The following C4orf51 variants were observed in gnomAD, a reference collection of about 807,000 sequenced individuals.
The protein encoded by C4orf51 is uncharacterized protein C4orf51.
In C4orf51, 25 loss-of-function variants were observed where a neutral mutation model predicts 25.2. That is an observed-to-expected ratio of 0.99 (90% CI 0.72 to 1.39). The LOEUF is 1.39. C4orf51 is among the 40% of genes most tolerant of loss of function. The probability of loss-of-function intolerance (pLI) is 0.00; values close to 1 mark genes in which losing one functional copy is unlikely to be tolerated. For synonymous variants in C4orf51, 100 were observed against 84.5 expected (o/e 1.18, Z -1.01); for missense variants, 252 against 239.6 (o/e 1.05, Z -0.34).
chr4:145,727,252 C>G (rs1032851603), intron 3 of C4orf51, among the ~76,000 whole-genome samples: 2 of 152,044 alleles, frequency 1.3e-5, no homozygotes, highest in African/African-American at 4.8e-5. Context: ...ATATAATATA[C>G]TGGCAGTTAA....
At chr4:145,747,057 A>G (rs1388801205) in intron 1 of C4orf51, among the ~76,000 whole-genome samples, 1 of 152,032 alleles carries the variant, frequency 6.6e-6, no homozygotes, top group Non-Finnish European at 1.5e-5. Context: ...TTGATTTTGT[A>G]TTCTGCAGCT....
Position 145,761,509 on chromosome 4 carries a change from A to G in C4orf51, n.167-9479A>G, listed in dbSNP as rs1356724405. On this transcript the variant is annotated intron_variant and non_coding_transcript_variant, in intron 1 of 1. Coordinates refer to the C4orf51 transcript ENST00000510096. This position sits in a 1 kb window ranked among gnomAD's most constrained non-coding sequence, Gnocchi z 6.8. ...CTGGTTGGCCTTCACCGTCTGGCAGATCCGGCACTTGTACTCCATCTTGTA... is the reference window on the plus strand; with the variant it reads ...CTGGTTGGCCTTCACCGTCTGGCAGGTCCGGCACTTGTACTCCATCTTGTA... 3 of 1,289,754 alleles carry G rather than the reference A, an allele frequency of 2.3e-6. No individual in the cohort carries two copies. The Admixed American group carries it at 6.9e-5, about 30-fold the overall frequency. The allele number at this position is 1,289,754 out of a possible 1,614,324, so 79.9% of individuals were successfully genotyped here.
At chr4:145,730,538 T>A (rs1732400807) in intron 5 of C4orf51, among the ~76,000 whole-genome samples, 1 of 152,162 alleles carries the variant, frequency 6.6e-6, no homozygotes, top group Non-Finnish European at 1.5e-5. Flanking sequence ...TCTTAGAGAG[T>A]AAGTTGAAAG....
downstream of C4orf51, among the ~76,000 whole-genome samples, chr4:145,755,934 C>G (rs556456018): frequency 6.6e-6 from 1 of 152,150 alleles, no homozygotes; most frequent in Non-Finnish European, 1.5e-5. Flanking sequence ...GGGAAGGGTT[C>G]CAGTTCTATA....
At chr4:145,773,175 C>G (rs1259497014), downstream of C4orf51, among the ~76,000 whole-genome samples, 1 of 152,174 alleles carries the variant, frequency 6.6e-6, no homozygotes, top group African/African-American at 2.4e-5. Flanking sequence ...CTCCATTAGC[C>G]ACTCCAGAAA....
chr4:145,771,820 T>C (rs1736332635), downstream of C4orf51, among the ~76,000 whole-genome samples: 1 of 152,196 alleles, frequency 6.6e-6, no homozygotes, highest in Non-Finnish European at 1.5e-5. Context: ...GGTAACAAGA[T>C]AGCGTGGCAG....
chr4:145,715,252 T>C (rs4487368), intron 2 of C4orf51, among the ~76,000 whole-genome samples: 25,569 of 152,198 alleles, frequency 0.17, 2,942 homozygotes, highest in African/African-American at 0.33. Flanking sequence ...GATCCATGGC[T>C]CTCTGTTGAG....
intron 1 of C4orf51, among the ~76,000 whole-genome samples, chr4:145,752,424 G>A (rs1433497411): frequency 1.3e-5 from 2 of 152,180 alleles, no homozygotes; most frequent in African/African-American, 4.8e-5. Context: ...TCTGGCCCAG[G>A]ATGTGTCTAG....
At chr4:145,782,279 G>A in the C4orf51 span, among the ~76,000 whole-genome samples, 8 of 152,182 alleles carry the variant, frequency 5.3e-5, no homozygotes, top group African/African-American at 1.7e-4. Context: ...GGGGCCTGGC[G>A]GAAGAGGCAG....
At chr4:145,694,236 T>C in intron 1 of C4orf51, among the ~76,000 whole-genome samples, 1 of 137,234 alleles carries the variant, frequency 7.3e-6, no homozygotes. Flanking sequence ...GCTCCTCACT[T>C]CCTAGATGGG....
chr4:145,759,614 G>A (rs1231865056), intron 1 of C4orf51: 1 of 152,044 alleles, frequency 6.6e-6, no homozygotes, highest in African/African-American at 2.4e-5. Flanking sequence ...ATGTCAAAGA[G>A]GTTGTGGCTA....
rs769567895 is a variant in C4orf51, at chr4:145,710,943, T to G, written c.307+14311T>G. On this transcript the variant is annotated intron_variant, in intron 2 of 5. Coordinates refer to ENST00000438731, the MANE Select transcript of C4orf51 (RefSeq NM_001080531.3). ...AGAGGCAAAACTTATCTGAGGAATTTAGAAGTAATTAGATTTTCCTATTAT... is the reference window on the plus strand; with the variant it reads ...AGAGGCAAAACTTATCTGAGGAATTGAGAAGTAATTAGATTTTCCTATTAT... Among the ~76,000 whole-genome samples the G allele has an allele frequency of 2.0e-5, 3 of 152,178 alleles. No homozygotes were observed. In the East Asian group the frequency reaches 5.8e-4, roughly 29 times the overall value.
chr4:145,714,711 T>G (rs1731310053), intron 2 of C4orf51, among the ~76,000 whole-genome samples: 1 of 152,228 alleles, frequency 6.6e-6, no homozygotes, highest in Admixed American at 6.5e-5. Flanking sequence ...CATGTTTCCT[T>G]GATTTTTCTT....
chr4:145,752,892 AG>A (rs1481458367), intron 1 of C4orf51, among the ~76,000 whole-genome samples: 11 of 151,244 alleles, frequency 7.3e-5, no homozygotes, highest in African/African-American at 2.7e-4. Flanking sequence ...TGTTGAGTTC[AG>A]CCTAGTTTTG....
chr4:145,733,024 C>G (rs1173522425), downstream of C4orf51, among the ~76,000 whole-genome samples: 1 of 152,156 alleles, frequency 6.6e-6, no homozygotes, highest in East Asian at 1.9e-4. Context: ...GAATTGGCTC[C>G]GACAGTCGCG....
chr4:145,764,665 G>A, intron 1 of C4orf51: 1 of 334,378 alleles, frequency 3.0e-6, no homozygotes, highest in Non-Finnish European at 5.6e-6. Flanking sequence ...ACTAAGCCCT[G>A]AGTCCATTAA....
At chr4:145,760,991 C>T (rs1734403262) in intron 1 of C4orf51, 1 of 1,258,508 alleles carries the variant, frequency 7.9e-7, no homozygotes, top group Non-Finnish European at 1.0e-6. Context: ...AAGGCCAAAG[C>T]CTTGAGTGCC....
intron 1 of C4orf51, among the ~76,000 whole-genome samples, chr4:145,739,691 A>G (rs1365636338): frequency 3.3e-5 from 5 of 152,202 alleles, no homozygotes; most frequent in Non-Finnish European, 7.3e-5. Context: ...GGAGATTTGA[A>G]TTATTTGAGA....
chr4:145,741,609 A>G (rs1733103172), intron 1 of C4orf51, among the ~76,000 whole-genome samples: 1 of 152,162 alleles, frequency 6.6e-6, no homozygotes, highest in African/African-American at 2.4e-5. Flanking sequence ...AGGGAGTGGG[A>G]AAAGGTTAGA....
Sources: gnomAD v4.1 joint callset for allele counts (sites outside exome capture counted in the v4.1 genomes callset) on GRCh38, gnomAD v4.1.1 for gene constraint, Gnocchi (gnomAD v3.1) non-coding constraint, MANE v1.5 for transcripts, NCBI Gene and HGNC (gene_info 2026-07-23, HGNC 2026-07-21) for gene names.